Variants in PDE1A observed in about 807,000 individuals in gnomAD.
The protein encoded by PDE1A is phosphodiesterase 1A, also known as dual specificity calcium/calmodulin-dependent 3',5'-cyclic nucleotide phosphodiesterase 1A.
Under a neutral mutation model 61.7 loss-of-function variants are expected in PDE1A, and 35 were observed. The observed-to-expected ratio is 0.57, with a 90% confidence interval of 0.43 to 0.75. The LOEUF is 0.75. Among genes scored for constraint, PDE1A ranks in the 30% least tolerant of loss-of-function variants. The pLI is 0.00. For missense variants in PDE1A, 597 were observed against 630.6 expected (o/e 0.95, Z 0.57); for synonymous variants, 232 against 213.2 (o/e 1.09, Z -0.77).
chr2:182,637,735 A>G, the PDE1A span, among the ~76,000 whole-genome samples: 1 of 152,106 alleles, frequency 6.6e-6, no homozygotes, highest in African/African-American at 2.4e-5. Flanking sequence ...CAGGCTCCCA[A>G]CGTGATGAAA....
At chr2:182,575,940 T>C in the PDE1A span, among the ~76,000 whole-genome samples, 1 of 147,212 alleles carries the variant, frequency 6.8e-6, no homozygotes, top group African/African-American at 2.5e-5. Context: ...ATATATAGTA[T>C]TAATATATTA....
the PDE1A span, among the ~76,000 whole-genome samples, chr2:182,544,068 A>G: frequency 6.6e-6 from 1 of 152,216 alleles, no homozygotes; most frequent in South Asian, 2.1e-4. Flanking sequence ...TCTCTCAGTA[A>G]TAAGCGGGAG....
intron 1 of PDE1A, among the ~76,000 whole-genome samples, chr2:182,340,319 C>CT (rs1365586572): frequency 2.0e-5 from 3 of 152,160 alleles, no homozygotes; most frequent in Admixed American, 2.0e-4. Flanking sequence ...AATGCCTGCT[C>CT]TCATCACTGA....
intron 1 of PDE1A, among the ~76,000 whole-genome samples, chr2:182,410,901 T>A (rs760607182): frequency 1.3e-5 from 2 of 152,212 alleles, no homozygotes; most frequent in African/African-American, 2.4e-5. Flanking sequence ...AATATCACCA[T>A]CAGGTTTTCC....
chr2:182,247,564 C>T (rs890580434), intron 2 of PDE1A, among the ~76,000 whole-genome samples: 1 of 152,178 alleles, frequency 6.6e-6, no homozygotes, highest in Non-Finnish European at 1.5e-5. Context: ...TCCCTCGTAC[C>T]CGCCTTGTAC....
chr2:182,304,210 C>T (rs976098690), intron 1 of PDE1A, among the ~76,000 whole-genome samples: 9 of 152,088 alleles, frequency 5.9e-5, no homozygotes, highest in Non-Finnish European at 1.2e-4. Flanking sequence ...TCCTCATAAA[C>T]CAGCCTCTGC....
chr2:182,206,206 CTTTTA>C (rs936022635), intron 7 of PDE1A, 141 bp from the exon 8 acceptor site: 2 of 526,550 alleles, frequency 3.8e-6, no homozygotes, highest in African/African-American at 3.9e-5. Flanking sequence ...TACTTAGTTT[CTTTTA>C]TTTTTTACTG....
At chr2:182,660,880 C>A in the PDE1A span, among the ~76,000 whole-genome samples, 12 of 152,218 alleles carry the variant, frequency 7.9e-5, no homozygotes, top group Non-Finnish European at 1.3e-4. Context: ...TACCCAGACT[C>A]CTCGCCCTGG....
chr2:182,221,573 G>A (rs1449198077), intron 7 of PDE1A, among the ~76,000 whole-genome samples: 1 of 151,986 alleles, frequency 6.6e-6, no homozygotes, highest in Admixed American at 6.6e-5. Context: ...CCTCCAAACT[G>A]TATCAATCTC....
chr2:182,171,230 A>C (rs1339886564), intron 13 of PDE1A, among the ~76,000 whole-genome samples: 1 of 152,038 alleles, frequency 6.6e-6, no homozygotes. Context: ...ACAGTGATTA[A>C]CATTTTGAAA....
At chr2:182,272,508 A>G (rs1486748094) in intron 1 of PDE1A, among the ~76,000 whole-genome samples, 1 of 152,188 alleles carries the variant, frequency 6.6e-6, no homozygotes, top group Non-Finnish European at 1.5e-5. Context: ...AACTTCAAAA[A>G]TTTGAATTTT....
intron 13 of PDE1A, among the ~76,000 whole-genome samples, chr2:182,177,758 C>A (rs949687211): frequency 1.3e-5 from 2 of 151,840 alleles, no homozygotes; most frequent in Non-Finnish European, 2.9e-5. Flanking sequence ...TTTTTTGTTG[C>A]TCAGTTTCCT....
intron 13 of PDE1A, among the ~76,000 whole-genome samples, 178 bp from the exon 14 acceptor site, chr2:182,147,330 G>A (rs967335847): frequency 1.3e-5 from 2 of 152,144 alleles, no homozygotes; most frequent in Non-Finnish European, 2.9e-5. Flanking sequence ...GATCTACATA[G>A]TATAACAAGC....
intron 1 of PDE1A, among the ~76,000 whole-genome samples, chr2:182,284,439 ACT>A (rs1694026222): frequency 6.6e-6 from 1 of 152,110 alleles, no homozygotes; most frequent in South Asian, 2.1e-4. Context: ...AATTGAGCAA[ACT>A]CACAAATTTG....
intron 13 of PDE1A, among the ~76,000 whole-genome samples, chr2:182,182,903 G>T (rs1193946411): frequency 6.6e-6 from 1 of 151,936 alleles, no homozygotes; most frequent in East Asian, 1.9e-4. Context: ...TTACTATATA[G>T]AAATTATCCC....
At chr2:182,408,318 A>G (rs997927025) in intron 1 of PDE1A, among the ~76,000 whole-genome samples, 2 of 152,266 alleles carry the variant, frequency 1.3e-5, no homozygotes, top group African/African-American at 2.4e-5. Context: ...GTGGTTTTCA[A>G]TCTTGGCTCT....
chr2:182,323,223 G>A (rs113797535), intron 1 of PDE1A, among the ~76,000 whole-genome samples: 1,705 of 152,136 alleles, frequency 0.011, 26 homozygotes, highest in South Asian at 0.069. Flanking sequence ...AAACATACCC[G>A]GTTTATCTCT....
chr2:182,405,309 T>G (rs965136079), intron 1 of PDE1A, among the ~76,000 whole-genome samples: 6 of 152,166 alleles, frequency 3.9e-5, no homozygotes, highest in Non-Finnish European at 8.8e-5. Context: ...CTGGGGTCAT[T>G]TACATAAGAA....
chr2:182,185,365 A>G (rs757740302), intron 13 of PDE1A, among the ~76,000 whole-genome samples: 1 of 152,220 alleles, frequency 6.6e-6, no homozygotes, highest in Non-Finnish European at 1.5e-5. Flanking sequence ...GAAGCAGCTA[A>G]TATGTCAGAA....
Sources: gnomAD v4.1 joint callset for allele counts (sites outside exome capture counted in the v4.1 genomes callset) on GRCh38, gnomAD v4.1.1 for gene constraint, MANE v1.5 for transcripts, NCBI Gene and HGNC (gene_info 2026-07-23, HGNC 2026-07-21) for gene names.